The following NCAM2 variants were observed in gnomAD, a reference collection of about 807,000 sequenced individuals.
The protein encoded by NCAM2 is neural cell adhesion molecule 2.
In NCAM2, 30 loss-of-function variants were observed where a neutral mutation model predicts 98.1. The ratio of observed to expected loss-of-function variants is 0.31; its 90% CI spans 0.23 to 0.41. The LOEUF is 0.41. Among genes scored for constraint, NCAM2 ranks in the 10% least tolerant of loss-of-function variants. NCAM2 has a pLI of 1.00. For missense variants in NCAM2, 867 were observed against 1,005.8 expected (o/e 0.86, Z 1.87); for synonymous variants, 368 against 342.4 (o/e 1.07, Z -0.83).
chr21:21,373,772 A>T (rs950036053), intron 8 of NCAM2, 91 bp from the exon 9 acceptor site: 2 of 1,122,266 alleles, frequency 1.8e-6, no homozygotes, highest in Middle Eastern at 2.2e-4. Context: ...TTGCCAGAGA[A>T]ACATGGGAAG....
intron 16 of NCAM2, among the ~76,000 whole-genome samples, chr21:21,528,252 G>A (rs983601581): frequency 6.6e-6 from 1 of 152,170 alleles, no homozygotes; most frequent in Non-Finnish European, 1.5e-5. Flanking sequence ...AAACTATTCT[G>A]TATGATAAAA....
At chr21:21,253,613 A>G (rs140970140) in intron 1 of NCAM2, among the ~76,000 whole-genome samples, 3 of 152,324 alleles carry the variant, frequency 2.0e-5, no homozygotes, top group African/African-American at 7.2e-5. Context: ...CAGCCTTCAA[A>G]ATAGTAAGAA....
chr21:21,506,114 T>C (rs1051907166), intron 15 of NCAM2, among the ~76,000 whole-genome samples: 14 of 152,106 alleles, frequency 9.2e-5, no homozygotes, highest in Non-Finnish European at 2.1e-4. Flanking sequence ...CTATAGGATT[T>C]ATTGCCTAGA....
chr21:21,004,582 A>T (rs2064078217), intron 1 of NCAM2, among the ~76,000 whole-genome samples: 1 of 152,228 alleles, frequency 6.6e-6, no homozygotes, highest in Admixed American at 6.5e-5. Flanking sequence ...AAAAAGCCAA[A>T]TAAGCATGAG....
intron 5 of NCAM2, among the ~76,000 whole-genome samples, chr21:21,310,700 A>C (rs2074021167): frequency 6.6e-6 from 1 of 152,118 alleles, no homozygotes; most frequent in Non-Finnish European, 1.5e-5. Context: ...ATACAGTAAA[A>C]TTCACTTTTT....
intron 11 of NCAM2, among the ~76,000 whole-genome samples, chr21:21,423,354 C>G (rs1392075569): frequency 1.3e-5 from 2 of 152,086 alleles, no homozygotes; most frequent in African/African-American, 4.8e-5. Flanking sequence ...ATTCAAGCAC[C>G]CAGCACATGA....
intron 5 of NCAM2, among the ~76,000 whole-genome samples, chr21:21,297,644 G>A (rs751590107): frequency 2.0e-4 from 30 of 151,414 alleles, no homozygotes; most frequent in Non-Finnish European, 3.7e-4. Flanking sequence ...TCTAAAAGAG[G>A]ATTAATATTG....
chr21:21,432,381 T>C, intron 12 of NCAM2, 100 bp downstream of exon 12: 1 of 1,082,812 alleles, frequency 9.2e-7, no homozygotes, highest in Non-Finnish European at 1.3e-6. Flanking sequence ...TTCTTTTCTT[T>C]TAATAAAATG....
chr21:21,407,640 A>C (rs2076768227), intron 9 of NCAM2, among the ~76,000 whole-genome samples: 1 of 152,160 alleles, frequency 6.6e-6, no homozygotes, highest in Non-Finnish European at 1.5e-5. Flanking sequence ...ATTTTCCTTA[A>C]ACCTCTCCGT....
intron 1 of NCAM2, among the ~76,000 whole-genome samples, chr21:21,044,411 T>C (rs2064968506): frequency 6.6e-6 from 1 of 152,186 alleles, no homozygotes; most frequent in African/African-American, 2.4e-5. Context: ...TAATAAATGG[T>C]TCCTCTTTGC....
chr21:21,323,405 A>G (rs1377927567), intron 5 of NCAM2, among the ~76,000 whole-genome samples: 1 of 152,198 alleles, frequency 6.6e-6, no homozygotes, highest in East Asian at 1.9e-4. Flanking sequence ...GTAATGTGGC[A>G]TCAACGCTGA....
intron 9 of NCAM2, among the ~76,000 whole-genome samples, chr21:21,382,662 C>A (rs150666688): frequency 6.6e-6 from 1 of 151,802 alleles, no homozygotes; most frequent in African/African-American, 2.4e-5. Flanking sequence ...ATTACAGGTG[C>A]GTGCCACCAT....
At chr21:21,470,693 C>T (rs1411470005) in intron 14 of NCAM2, among the ~76,000 whole-genome samples, 1 of 152,042 alleles carries the variant, frequency 6.6e-6, no homozygotes, top group African/African-American at 2.4e-5. Flanking sequence ...TTTCTAATTT[C>T]CAACCCTTTC....
At position 21,338,404 on chromosome 21, in the gene NCAM2, T is replaced by G. The variant is rs1387302678; in HGVS notation, c.914T>G (p.Ile305Arg). 2 of 1,611,360 alleles carry G rather than the reference T, an allele frequency of 1.2e-6. No homozygotes were observed. The highest frequency in any genetic ancestry group is 2.2e-5 in the East Asian group (1 of 44,800). The change falls in exon 8 of 18, where the codon ATA becomes AGA. Residue 305 changes from isoleucine (I) to arginine (R), a missense_variant. Physicochemically the swap from Ile to Arg is moderately conservative, Grantham distance 97 (BLOSUM62 -3). Coordinates refer to ENST00000400546, the MANE Select transcript of NCAM2 (RefSeq NM_004540.5). ...TTCTTTACAGTACAGCCTCACATAATACAGCTTAAAAATGAAACTACATAT... is the reference window on the plus strand; with the variant it reads ...TTCTTTACAGTACAGCCTCACATAAGACAGCTTAAAAATGAAACTACATAT... ...FLQVFVQPHI[I>R]QLKNETTYEN...
intron 1 of NCAM2, among the ~76,000 whole-genome samples, chr21:21,022,827 G>A (rs941186541): frequency 2.2e-4 from 34 of 152,140 alleles, no homozygotes; most frequent in African/African-American, 7.7e-4. Context: ...AGGTGAGGAT[G>A]TCAAGAAGTG....
At chr21:21,162,987 G>A (rs1234205297) in intron 1 of NCAM2, among the ~76,000 whole-genome samples, 2 of 152,048 alleles carry the variant, frequency 1.3e-5, no homozygotes, top group Admixed American at 1.3e-4. Context: ...ATAAAAAAAG[G>A]GAAGTCCCAA....
intron 5 of NCAM2, among the ~76,000 whole-genome samples, chr21:21,294,481 C>T (rs2073405225): frequency 6.6e-6 from 1 of 151,878 alleles, no homozygotes; most frequent in Non-Finnish European, 1.5e-5. Context: ...CTCTGTCTCC[C>T]ACTTTCCTCT....
At chr21:21,498,396 T>A (rs1987395177) in intron 15 of NCAM2, among the ~76,000 whole-genome samples, 1 of 152,194 alleles carries the variant, frequency 6.6e-6, no homozygotes, top group Admixed American at 6.5e-5. Context: ...TCACAGACAT[T>A]ACTAGCATTA....
chr21:21,215,560 A>G (rs541896299), intron 1 of NCAM2, among the ~76,000 whole-genome samples: 66 of 152,042 alleles, frequency 4.3e-4, no homozygotes, highest in African/African-American at 1.6e-3. Flanking sequence ...CTCTACTAAA[A>G]ACAAAAACAA....
Sources: gnomAD v4.1 joint callset for allele counts (sites outside exome capture counted in the v4.1 genomes callset) on GRCh38, gnomAD v4.1.1 for gene constraint, MANE v1.5 for transcripts, NCBI Gene and HGNC (gene_info 2026-07-23, HGNC 2026-07-21) for gene names.